Variants in WWOX observed in about 807,000 individuals in gnomAD.
The protein encoded by WWOX is WW domain-containing oxidoreductase.
Under a neutral mutation model 46.2 loss-of-function variants are expected in WWOX, and 69 were observed. The observed-to-expected ratio is 1.49, with a 90% CI of 1.23 to 1.82. The LOEUF (loss-of-function observed/expected upper bound fraction) is 1.82, where lower values mean the gene tolerates loss of function less well. WWOX is among the 40% of genes most tolerant of loss of function. The pLI is 0.00. For synonymous variants in WWOX, 359 were observed against 202.6 expected (o/e 1.77, Z -6.56); for missense variants, 919 against 542.6 (o/e 1.69, Z -6.89).
At chr16:78,578,946 T>A (rs183352476) in intron 8 of WWOX, among the ~76,000 whole-genome samples, 1 of 152,258 alleles carries the variant, frequency 6.6e-6, no homozygotes, top group Non-Finnish European at 1.5e-5. Context: ...ATATTACTTA[T>A]GAACTTTCTT....
At chr16:79,060,757 C>T (rs1439162923) in intron 8 of WWOX, among the ~76,000 whole-genome samples, 1 of 152,208 alleles carries the variant, frequency 6.6e-6, no homozygotes, top group Non-Finnish European at 1.5e-5. Flanking sequence ...TCCATATTCT[C>T]TGTTTTTTAA....
chr16:78,193,728 C>G (rs1400456079), intron 5 of WWOX, among the ~76,000 whole-genome samples: 1 of 151,816 alleles, frequency 6.6e-6, no homozygotes, highest in African/African-American at 2.4e-5. Flanking sequence ...GTAGACTTAG[C>G]CAAAACTAAT....
In WWOX at chr16:78,319,702, C is replaced by T. The variant is rs111420689; in HGVS notation, c.517-67158C>T. Among the ~76,000 whole-genome samples the T allele has an allele frequency of 6.1e-3, 927 of 152,214 alleles. 13 individuals are homozygous for T. Among genetic ancestry groups the T allele is most frequent in the African/African-American group, 0.021 (888 of 41,524 alleles). ...CGTTCTATGCCATTTTTATCACATG[C>T]GTAGGTTCATTTAACCACCGCCACT... On this transcript the variant is annotated intron_variant, in intron 5 of 8. Transcript: ENST00000566780.
intron 8 of WWOX, among the ~76,000 whole-genome samples, chr16:78,547,717 A>G (rs143514328): frequency 1.3e-5 from 2 of 152,046 alleles, no homozygotes; most frequent in Admixed American, 6.5e-5. Context: ...CCTCCTTGCT[A>G]TGTCCTCATA....
intron 8 of WWOX, among the ~76,000 whole-genome samples, chr16:78,925,280 G>A (rs952196647): frequency 1.3e-5 from 2 of 152,196 alleles, no homozygotes; most frequent in Non-Finnish European, 2.9e-5. Flanking sequence ...GCCACTGGGT[G>A]GCAGCATACT....
intron 8 of WWOX, among the ~76,000 whole-genome samples, chr16:78,590,492 G>A (rs1473669314): frequency 1.3e-5 from 2 of 152,216 alleles, no homozygotes; most frequent in African/African-American, 4.8e-5. Flanking sequence ...CCCAGTTGGG[G>A]AAGAGGGAAA....
At chr16:78,568,751 A>C (rs1437971901) in intron 8 of WWOX, among the ~76,000 whole-genome samples, 1 of 152,186 alleles carries the variant, frequency 6.6e-6, no homozygotes, top group Non-Finnish European at 1.5e-5. Context: ...CTGGGATTGC[A>C]GGCATGAGCC....
At chr16:78,429,421 A>G (rs6564558) in intron 7 of WWOX, among the ~76,000 whole-genome samples, 35,771 of 152,064 alleles carry the variant, frequency 0.24, 6,323 homozygotes, top group African/African-American at 0.49. Context: ...AAAAATCACC[A>G]TGATATCCAG....
chr16:78,330,887 A>G (rs933811881), intron 5 of WWOX, among the ~76,000 whole-genome samples: 4 of 152,224 alleles, frequency 2.6e-5, no homozygotes, highest in Non-Finnish European at 4.4e-5. Flanking sequence ...GATGATATGC[A>G]TGTTCTTATT....
intron 8 of WWOX, among the ~76,000 whole-genome samples, chr16:78,455,069 G>A (rs917248483): frequency 6.6e-6 from 1 of 152,190 alleles, no homozygotes; most frequent in Non-Finnish European, 1.5e-5. Context: ...GGATGGAGAT[G>A]GGAAGAATGT....
intron 5 of WWOX, among the ~76,000 whole-genome samples, chr16:78,281,965 A>G (rs9924425): frequency 0.51 from 77,812 of 151,926 alleles, 21,078 homozygotes; most frequent in African/African-American, 0.7. Flanking sequence ...CCACTGGCAG[A>G]CGAGCACTGT....
intron 8 of WWOX, among the ~76,000 whole-genome samples, chr16:78,809,127 TC>T (rs1036462387): frequency 6.6e-6 from 1 of 151,952 alleles, no homozygotes; most frequent in Admixed American, 6.6e-5. Context: ...CTGTCTGTTC[TC>T]CCCCTGCACC....
In WWOX at chr16:78,998,351, G is replaced by C. The variant is rs73567359; in HGVS notation, c.1057-213257G>C. On this transcript the variant is annotated intron_variant, in intron 8 of 8. Transcript: ENST00000566780. ...TCTGAGCTTCTTGAGTGAAGGGTCT[G>C]TGGGTTTTCACGCTTTGTACTCGGG... 7.7e-3 allele frequency among the ~76,000 whole-genome samples: 1,171 copies of C among 152,306 alleles called. 12 individuals are homozygous for C. The highest frequency in any genetic ancestry group is 0.027 in the African/African-American group (1,110 of 41,560).
chr16:78,314,181 C>G (rs1464331952), intron 5 of WWOX, among the ~76,000 whole-genome samples: 1 of 151,930 alleles, frequency 6.6e-6, no homozygotes, highest in Non-Finnish European at 1.5e-5. Flanking sequence ...CAGAGGCTGG[C>G]AGATCACGAG....
chr16:78,770,664 C>G (rs189248161), intron 8 of WWOX, among the ~76,000 whole-genome samples: 2 of 151,626 alleles, frequency 1.3e-5, no homozygotes, highest in African/African-American at 2.4e-5. Context: ...CGCCCCCTCC[C>G]CCCCTCCCCG....
intron 8 of WWOX, among the ~76,000 whole-genome samples, chr16:78,692,810 T>C (rs551893675): frequency 2.6e-4 from 40 of 152,338 alleles, no homozygotes; most frequent in African/African-American, 8.4e-4. Flanking sequence ...TTTGAAGTCA[T>C]TGGAAACCAA....
rs898776177 is a variant in WWOX at position 78,652,434 on chromosome 16, A to G, written c.1056+219682A>G. Among the ~76,000 whole-genome samples the G allele has an allele frequency of 5.1e-3, 766 of 151,586 alleles. 2 individuals carry two copies. Among genetic ancestry groups the G allele is most frequent in the Non-Finnish European group, 9.1e-3 (614 of 67,738 alleles). ...AAAAAAAAAAAAAAAAAAAAAAAGAAAAAGAAAAAGGTGTTTGGAAGCCAT... is the reference window on the plus strand; with the variant it reads ...AAAAAAAAAAAAAAAAAAAAAAAGAGAAAGAAAAAGGTGTTTGGAAGCCAT... On this transcript the variant is annotated intron_variant, in intron 8 of 8. Transcript: ENST00000566780.
intron 8 of WWOX, among the ~76,000 whole-genome samples, chr16:78,875,061 G>T (rs1435181779): frequency 2.6e-5 from 4 of 152,062 alleles, no homozygotes. Context: ...TTTGCAGCAG[G>T]ACAACTCAAC....
intron 8 of WWOX, among the ~76,000 whole-genome samples, chr16:78,623,013 G>A (rs373278938): frequency 3.5e-3 from 526 of 152,190 alleles, no homozygotes; most frequent in Non-Finnish European, 5.9e-3. Context: ...GAGGACATTA[G>A]TCCTATAACC....
Sources: gnomAD v4.1 joint callset for allele counts (sites outside exome capture counted in the v4.1 genomes callset) on GRCh38, gnomAD v4.1.1 for gene constraint, MANE v1.5 for transcripts, NCBI Gene and HGNC (gene_info 2026-07-23, HGNC 2026-07-21) for gene names.